FAM169A: variants seen among roughly 807,000 people sequenced by gnomAD.
The protein encoded by FAM169A is family with sequence similarity 169 member A.
Under a neutral mutation model 75.7 loss-of-function variants are expected in FAM169A, and 24 were observed. The ratio of observed to expected loss-of-function variants is 0.32; its 90% CI spans 0.23 to 0.45. The LOEUF (loss-of-function observed/expected upper bound fraction) is 0.45. FAM169A is among the 20% of genes least tolerant of loss of function. The pLI is 1.00. For missense variants in FAM169A, 673 were observed against 784.0 expected, an observed-to-expected ratio of 0.86 and a Z score of 1.69; for synonymous variants, 271 against 271.0, an observed-to-expected ratio of 1.00 and a Z score of 0.00.
At chr5:74,826,690 A>T (rs1028260709) in intron 5 of FAM169A, among the ~76,000 whole-genome samples, 5 of 152,222 alleles carry the variant, frequency 3.3e-5, no homozygotes, top group African/African-American at 1.2e-4. Flanking sequence ...CAAAAACATT[A>T]CAAAGAGCTC....
At chr5:74,854,386 C>T (rs1451813414) in intron 1 of FAM169A, among the ~76,000 whole-genome samples, 1 of 144,636 alleles carries the variant, frequency 6.9e-6, no homozygotes, top group Non-Finnish European at 1.5e-5. Context: ...CACAGCGAGA[C>T]TCCATCTCAA....
rs759702390 is a variant in FAM169A, at chr5:74,804,595, T to C, written c.810A>G (p.Gln270=). The part of the protein sequence containing the change: ...REALKILALS[Q]NEPKRPMSGE... ...CAGACATAGGTCTTTTAGGTTCATT[T>C]TGAGAAAGTGCTGCGTATAGAAGAA... Residue 270 remains glutamine, a synonymous_variant, in exon 8 of 13, where the codon CAA becomes CAG. Coordinates refer to ENST00000687041, the MANE Select transcript of FAM169A (RefSeq NM_001376049.1). The C allele has an allele frequency of 4.9e-5, 78 of 1,592,354 alleles. No individual in the cohort carries two copies. Among genetic ancestry groups the C allele is most frequent in the Non-Finnish European group, 6.3e-5 (73 of 1,162,400 alleles).
intron 11 of FAM169A, among the ~76,000 whole-genome samples, chr5:74,792,272 A>G (rs1746016385): frequency 6.6e-6 from 1 of 152,172 alleles, no homozygotes; most frequent in South Asian, 2.1e-4. Flanking sequence ...GTGTGGCTGT[A>G]AGGGTGGTAT....
intron 1 of FAM169A, among the ~76,000 whole-genome samples, chr5:74,842,163 T>A (rs1243161293): frequency 7.1e-6 from 1 of 140,938 alleles, no homozygotes; most frequent in Non-Finnish European, 1.5e-5. Flanking sequence ...GGCTCACGCC[T>A]GTAATTCCAG....
chr5:74,842,514 T>C (rs1163812095), intron 1 of FAM169A, among the ~76,000 whole-genome samples: 1 of 148,190 alleles, frequency 6.7e-6, no homozygotes, highest in Non-Finnish European at 1.5e-5. Context: ...AAATTATAAT[T>C]CTCATATATA....
intron 11 of FAM169A, among the ~76,000 whole-genome samples, chr5:74,786,172 C>A (rs573230978): frequency 4.6e-5 from 7 of 152,344 alleles, no homozygotes; most frequent in African/African-American, 1.7e-4. Context: ...AGCTTCAGGA[C>A]TCAGACTGGC....
At chr5:74,846,067 T>A (rs1313925002) in intron 1 of FAM169A, among the ~76,000 whole-genome samples, 1 of 152,204 alleles carries the variant, frequency 6.6e-6, no homozygotes, top group Non-Finnish European at 1.5e-5. Flanking sequence ...TAACTGTTTT[T>A]CTTCTCTTAT....
At chr5:74,834,684 C>G (rs906139726) in intron 4 of FAM169A, 87 bp from the exon 5 acceptor site, 12 of 1,086,152 alleles carry the variant, frequency 1.1e-5, no homozygotes, top group Non-Finnish European at 1.4e-5. Context: ...GCTCCCATAC[C>G]TCATACTGGA....
At chr5:74,856,350 T>C (rs893611192) in intron 1 of FAM169A, among the ~76,000 whole-genome samples, 2 of 152,206 alleles carry the variant, frequency 1.3e-5, no homozygotes, top group African/African-American at 4.8e-5. Context: ...AGAAATTGCA[T>C]TGAATCTGTA....
At chr5:74,819,701 A>C (rs776591607) in intron 5 of FAM169A, among the ~76,000 whole-genome samples, 1 of 152,218 alleles carries the variant, frequency 6.6e-6, no homozygotes, top group Non-Finnish European at 1.5e-5. Context: ...GTATCTATAC[A>C]AGGTAATACT....
intron 5 of FAM169A, among the ~76,000 whole-genome samples, chr5:74,821,703 C>T (rs1354096132): frequency 1.3e-5 from 2 of 152,192 alleles, no homozygotes; most frequent in East Asian, 3.8e-4. Flanking sequence ...TTAACAGTTA[C>T]ACGTTCCTGG....
chr5:74,816,742 A>G (rs927012616), intron 5 of FAM169A, among the ~76,000 whole-genome samples: 6 of 152,220 alleles, frequency 3.9e-5, no homozygotes, highest in African/African-American at 1.4e-4. Context: ...AGTTTTCATT[A>G]AATTTACTAG....
intron 4 of FAM169A, among the ~76,000 whole-genome samples, chr5:74,837,351 A>G (rs959330290): frequency 6.6e-6 from 1 of 152,114 alleles, no homozygotes; most frequent in African/African-American, 2.4e-5. Context: ...TCAAAGTTTC[A>G]TATCAGACTG....
chr5:74,787,593 T>C (rs1272766672), intron 11 of FAM169A, among the ~76,000 whole-genome samples: 2 of 152,228 alleles, frequency 1.3e-5, no homozygotes, highest in Non-Finnish European at 2.9e-5. Context: ...CAGTGGGAAC[T>C]GCAGTCACTC....
rs987082811 is a variant in FAM169A, at chr5:74,866,149, G to C, written c.-4+16C>G. ...CTCACCCAGCGGTCCGCGCCGGGGA[G>C]AGGGAGCGCACTCACCTCAGACGCG... On this transcript the variant is annotated intron_variant, in intron 1 of 12. Transcript: ENST00000687041. 109 of 979,034 alleles carry C rather than the reference G, an allele frequency of 1.1e-4. No homozygotes were observed. Among genetic ancestry groups the C allele is most frequent in the Non-Finnish European group, 1.3e-4 (104 of 824,856 alleles). 60.6% of individuals were successfully genotyped at this position (979,034 alleles called of 1,614,324 possible).
At chr5:74,843,571 G>T (rs900064756) in intron 1 of FAM169A, among the ~76,000 whole-genome samples, 3 of 152,098 alleles carry the variant, frequency 2.0e-5, no homozygotes, top group African/African-American at 7.2e-5. Flanking sequence ...GCGGGGAAAA[G>T]ACTTTTTTAA....
Position 74,781,734 on chromosome 5 carries a change from T to G in FAM169A, c.1739A>C (p.Gln580Pro), listed in dbSNP as rs780444572. 3 of 1,614,024 alleles carry G rather than the reference T, an allele frequency of 1.9e-6. No individual in the cohort carries two copies. The Admixed American group carries it at 5.0e-5, about 27-fold the overall frequency. ...DQGEEGVSEPQETSTALPQSS... is the reference protein window; with the variant it reads ...DQGEEGVSEPPETSTALPQSS... Reference sequence around the variant, plus strand: ...CTGAGGAAGAGCAGTAGATGTTTCCTGGGGCTCAGATACCCCCTCCTCACC... The same window carrying G: ...CTGAGGAAGAGCAGTAGATGTTTCCGGGGGCTCAGATACCCCCTCCTCACC... Residue 580 changes from glutamine to proline, a missense_variant, in exon 13 of 13, where the codon CAG (glutamine) becomes CCG (proline). Around this residue, in one of 3 missense-constraint regions of FAM169A, gnomAD observed 510 missense variants for 550.9 expected, o/e 0.93. Transcript: ENST00000687041.
In FAM169A at chr5:74,866,250, G is replaced by A; in HGVS notation, c.-89C>T. 1 of 983,804 alleles carries A rather than the reference G, an allele frequency of 1.0e-6. No homozygotes were observed. The highest frequency in any genetic ancestry group is 1.2e-6 in the Non-Finnish European group (1 of 829,148). 60.9% of individuals were successfully genotyped at this position (983,804 alleles called of 1,614,324 possible). Reference sequence around the variant, plus strand: ...GAATGGAGCCGGCGGCTGCTCGCTGGCGACCTCCGGCCGGTCCCAGGCCGC... The same window carrying A: ...GAATGGAGCCGGCGGCTGCTCGCTGACGACCTCCGGCCGGTCCCAGGCCGC... On this transcript the variant is annotated 5_prime_UTR_variant, in exon 1 of 13. Transcript: ENST00000687041.
At chr5:74,782,211 G>GT (rs1745448748) in intron 12 of FAM169A, among the ~76,000 whole-genome samples, 1 of 152,096 alleles carries the variant, frequency 6.6e-6, no homozygotes, top group African/African-American at 2.4e-5. Context: ...GTTTCACATG[G>GT]TAATTTTAAT....
Sources: gnomAD v4.1 joint callset for allele counts (sites outside exome capture counted in the v4.1 genomes callset) on GRCh38, gnomAD v4.1.1 for gene constraint, gnomAD v4.1.1 regional missense constraint, MANE v1.5 for transcripts, NCBI Gene and HGNC (gene_info 2026-07-23, HGNC 2026-07-21) for gene names.